Variants in CACNA1C observed in about 807,000 individuals in gnomAD.
CACNA1C encodes voltage-dependent L-type calcium channel subunit alpha-1C.
A neutral mutation model predicts 229.0 loss-of-function variants in CACNA1C; 30 were observed. That is an observed-to-expected ratio of 0.13 (90% CI 0.10 to 0.18). The LOEUF (loss-of-function observed/expected upper bound fraction) is 0.18. Among genes scored for constraint, CACNA1C ranks in the 10% least tolerant of loss-of-function variants. The pLI is 1.00. For missense variants in CACNA1C, 1,658 were observed against 2,845.0 expected (o/e 0.58, Z 9.49); for synonymous variants, 1,114 against 1,132.5 (o/e 0.98, Z 0.33).
chr12:2,623,889 C>T (rs1024867472), intron 29 of CACNA1C, among the ~76,000 whole-genome samples: 7 of 152,148 alleles, frequency 4.6e-5, no homozygotes, highest in Non-Finnish European at 7.4e-5. Flanking sequence ...GGTGGTCTGC[C>T]GGAAGAGAAA....
intron 3 of CACNA1C, among the ~76,000 whole-genome samples, chr12:2,375,334 A>G (rs574302851): frequency 3.4e-4 from 52 of 152,300 alleles, no homozygotes; most frequent in African/African-American, 1.3e-3. Flanking sequence ...TCTGATGAGA[A>G]TGATGCCCAG....
chr12:2,663,715 AAGAATAG>A (rs1253243966), intron 34 of CACNA1C, among the ~76,000 whole-genome samples: 1 of 150,872 alleles, frequency 6.6e-6, no homozygotes, highest in Non-Finnish European at 1.5e-5. Flanking sequence ...AATTTTAAAA[AAGAATAG>A]AGAATAGAGT....
chr12:2,058,949 G>A (rs958667986), intron 1 of CACNA1C, among the ~76,000 whole-genome samples: 4 of 151,850 alleles, frequency 2.6e-5, no homozygotes, highest in Non-Finnish European at 1.5e-5. Flanking sequence ...GTGTAGACAC[G>A]GGCCTGGAGC....
chr12:2,039,633 G>C (rs150796816), intron 1 of CACNA1C, among the ~76,000 whole-genome samples: 1 of 152,210 alleles, frequency 6.6e-6, no homozygotes, highest in Non-Finnish European at 1.5e-5. Flanking sequence ...AATATAACTA[G>C]TGCTTTGATA....
chr12:2,533,067 T>C (rs2154584484), intron 9 of CACNA1C, among the ~76,000 whole-genome samples: 1 of 152,302 alleles, frequency 6.6e-6, no homozygotes, highest in East Asian at 1.9e-4. Context: ...GGAGGAGGGA[T>C]GAAGGGTGAA....
At chr12:2,268,193 G>A (rs2083182964) in intron 3 of CACNA1C, among the ~76,000 whole-genome samples, 1 of 152,114 alleles carries the variant, frequency 6.6e-6, no homozygotes, top group African/African-American at 2.4e-5. Context: ...AAAGACTGAG[G>A]GGAAAGTGAT....
intron 1 of CACNA1C, among the ~76,000 whole-genome samples, chr12:2,039,626 A>G (rs564550974): frequency 3.3e-5 from 5 of 152,336 alleles, no homozygotes; most frequent in African/African-American, 9.6e-5. Context: ...CTACAGCAAT[A>G]TAACTAGTGC....
At chr12:2,456,443 CAG>C (rs1348677569) in intron 4 of CACNA1C, among the ~76,000 whole-genome samples, 4 of 152,236 alleles carry the variant, frequency 2.6e-5, no homozygotes, top group African/African-American at 9.6e-5. Context: ...GCTTCTGTCT[CAG>C]AGAGGATACC....
intron 1 of CACNA1C, among the ~76,000 whole-genome samples, chr12:2,079,984 G>C (rs369131425): frequency 6.0e-4 from 91 of 152,352 alleles, no homozygotes; most frequent in African/African-American, 1.7e-3. Flanking sequence ...GTTTAGGCTG[G>C]GTGTGGTGGC....
At chr12:2,044,013 T>G (rs2050654823) in intron 1 of CACNA1C, among the ~76,000 whole-genome samples, 1 of 152,198 alleles carries the variant, frequency 6.6e-6, no homozygotes, top group African/African-American at 2.4e-5. Context: ...GTGGCATTGG[T>G]CAATTGGTCA....
chr12:2,505,856 G>C (rs1367974260), intron 8 of CACNA1C, among the ~76,000 whole-genome samples: 2 of 152,118 alleles, frequency 1.3e-5, no homozygotes, highest in African/African-American at 4.8e-5. Context: ...CTTGGGGGAG[G>C]GGGGTAATCT....
chr12:2,291,580 T>A (rs1337501606), intron 3 of CACNA1C, among the ~76,000 whole-genome samples: 1 of 152,152 alleles, frequency 6.6e-6, no homozygotes, highest in Non-Finnish European at 1.5e-5. Context: ...GTAAATATAG[T>A]TTTATTGAAA....
intron 3 of CACNA1C, among the ~76,000 whole-genome samples, chr12:2,220,213 T>A (rs1264144236): frequency 5.3e-5 from 8 of 152,234 alleles, no homozygotes; most frequent in Non-Finnish European, 5.9e-5. Flanking sequence ...AATTCAAAGC[T>A]CCCTCTGCTC....
At chr12:2,070,220 A>G (rs2060701506) in intron 1 of CACNA1C, among the ~76,000 whole-genome samples, 1 of 152,194 alleles carries the variant, frequency 6.6e-6, no homozygotes, top group Non-Finnish European at 1.5e-5. Flanking sequence ...GAGACAAAGG[A>G]CTTTGGGTCT....
chr12:2,248,610 G>C (rs980920342), intron 3 of CACNA1C, among the ~76,000 whole-genome samples: 5 of 152,194 alleles, frequency 3.3e-5, no homozygotes, highest in Non-Finnish European at 4.4e-5. Flanking sequence ...TCTTCCTGGG[G>C]GTGATCATCC....
intron 3 of CACNA1C, chr12:2,217,745 T>TC (rs1414449635): frequency 6.6e-6 from 1 of 152,180 alleles, no homozygotes; most frequent in African/African-American, 2.4e-5. Context: ...ATCCGTATAT[T>TC]CAGCTTTGGA....
At chr12:2,655,107 G>A in intron 33 of CACNA1C, 40 bp from the exon 34 acceptor site, 2 of 1,256,752 alleles carry the variant, frequency 1.6e-6, no homozygotes, top group Non-Finnish European at 2.3e-6. Flanking sequence ...GACCCTATCT[G>A]TCCACAAATC....
In CACNA1C at chr12:2,605,552, G is replaced by T. The variant is rs1468468622; in HGVS notation, c.3049-127G>T. The T allele has an allele frequency of 8.5e-6, 6 of 709,206 alleles. No individual in the cohort carries two copies. The African/African-American group carries it at 1.1e-4, about 13-fold the overall frequency. The allele number at this position is 709,206 out of a possible 1,614,324, so 43.9% of individuals were successfully genotyped here. ...CATCACTTCCCATGTGACTTTGGGA[G>T]CGTGGCTTTGCCCCTCTCAGCCCAA... On this transcript the variant is annotated intron_variant, in intron 23 of 46. Transcript: ENST00000399655. This position sits in a 1 kb window ranked among gnomAD's most constrained non-coding sequence, Gnocchi z 6.2.
chr12:2,010,359 G>T (rs972682174), intron 1 of CACNA1C, among the ~76,000 whole-genome samples: 2 of 152,166 alleles, frequency 1.3e-5, no homozygotes, highest in Non-Finnish European at 2.9e-5. Flanking sequence ...GCAGATAATG[G>T]GGTGAAGACT....
Sources: allele counts gnomAD v4.1 joint callset (sites outside exome capture counted in the v4.1 genomes callset), GRCh38; gene constraint gnomAD v4.1.1; non-coding constraint Gnocchi (gnomAD v3.1); transcripts MANE v1.5; gene names NCBI Gene and HGNC (gene_info 2026-07-23, HGNC 2026-07-21).